PCDH7: variants seen among roughly 807,000 people sequenced by gnomAD.
PCDH7 encodes the protein protocadherin-7.
Under a neutral mutation model 58.9 loss-of-function variants are expected in PCDH7, and 17 were observed. The ratio of observed to expected loss-of-function variants is 0.29; its 90% CI spans 0.20 to 0.43. PCDH7 has a LOEUF of 0.43. PCDH7 is among the 20% of genes least tolerant of loss of function. PCDH7 has a pLI of 1.00. For missense variants in PCDH7, 1,274 were observed against 1,441.0 expected (o/e 0.88, Z 1.88); for synonymous variants, 664 against 616.4 (o/e 1.08, Z -1.14).
At chr4:30,923,201 T>C (rs138120052) in intron 2 of PCDH7, among the ~76,000 whole-genome samples, 4 of 152,190 alleles carry the variant, frequency 2.6e-5, no homozygotes, top group African/African-American at 9.6e-5. Context: ...AATGCAGTTA[T>C]CAGCAAGTGT....
intron 3 of PCDH7, among the ~76,000 whole-genome samples, chr4:31,098,316 A>G (rs1714437329): frequency 6.6e-6 from 1 of 152,194 alleles, no homozygotes; most frequent in Non-Finnish European, 1.5e-5. Context: ...TTTCTAGTAC[A>G]ATTTGAGTCA....
intron 2 of PCDH7, among the ~76,000 whole-genome samples, chr4:30,949,144 C>A (rs1216962729): frequency 6.6e-6 from 1 of 152,136 alleles, no homozygotes; most frequent in African/African-American, 2.4e-5. Context: ...AAAATTAATT[C>A]TCTCCTATAT....
At position 30,869,754 on chromosome 4, in the gene PCDH7, G is replaced by A. The variant is rs140645887; in HGVS notation, c.71-50399G>A. 1.7e-3 allele frequency among the ~76,000 whole-genome samples: 257 copies of A among 152,248 alleles called. 6 individuals carry two copies. In the East Asian group the frequency reaches 0.044, roughly 26 times the overall value. ...TGCTGTAATAAACATATGTGTCCAC[G>A]TGTCTTTATAGTAGAATGATTTATA... On this transcript the variant is annotated intron_variant, in intron 1 of 3. Coordinates refer to the PCDH7 transcript ENST00000509759.
intron 3 of PCDH7, among the ~76,000 whole-genome samples, chr4:30,988,034 G>T (rs1378743935): frequency 6.6e-6 from 1 of 152,142 alleles, no homozygotes; most frequent in African/African-American, 2.4e-5. Flanking sequence ...GGCCAGATTT[G>T]CATCTGTGAA....
intron 3 of PCDH7, among the ~76,000 whole-genome samples, chr4:30,964,341 A>C (rs1270780273): frequency 6.6e-6 from 1 of 151,126 alleles, no homozygotes; most frequent in Non-Finnish European, 1.5e-5. Context: ...TCTTGGGTTC[A>C]CGACATTATC....
intron 3 of PCDH7, among the ~76,000 whole-genome samples, chr4:31,086,305 C>T (rs1334183559): frequency 2.0e-5 from 3 of 152,112 alleles, no homozygotes; most frequent in Admixed American, 6.5e-5. Context: ...AATCCTAATT[C>T]TTGACCTACA....
At chr4:30,985,529 T>C (rs970326001) in intron 3 of PCDH7, among the ~76,000 whole-genome samples, 3 of 152,198 alleles carry the variant, frequency 2.0e-5, no homozygotes, top group Non-Finnish European at 4.4e-5. Flanking sequence ...AACTTACTAA[T>C]TTTGTGACCT....
chr4:30,972,357 AT>A (rs1243551941), intron 3 of PCDH7, among the ~76,000 whole-genome samples: 5 of 151,988 alleles, frequency 3.3e-5, no homozygotes, highest in Admixed American at 6.6e-5. Context: ...TGTGTGCAGG[AT>A]TTTTTTATTT....
At chr4:31,133,943 A>C (rs2109339375) in intron 3 of PCDH7, among the ~76,000 whole-genome samples, 1 of 152,318 alleles carries the variant, frequency 6.6e-6, no homozygotes. Context: ...GACATGTTTA[A>C]ACATTTTAAT....
intron 1 of PCDH7, among the ~76,000 whole-genome samples, chr4:30,835,831 G>GGGA (rs781341699): frequency 2.0e-5 from 3 of 152,114 alleles, no homozygotes; most frequent in South Asian, 2.1e-4. Flanking sequence ...TTTTTAAAAT[G>GGGA]GGAGGAGGAG....
intron 3 of PCDH7, among the ~76,000 whole-genome samples, chr4:30,952,088 C>T (rs1406140230): frequency 6.6e-6 from 1 of 152,080 alleles, no homozygotes; most frequent in Non-Finnish European, 1.5e-5. Flanking sequence ...CCATTATTAG[C>T]TTCATAGACT....
intron 2 of PCDH7, among the ~76,000 whole-genome samples, chr4:30,948,709 C>T (rs1203701446): frequency 6.6e-6 from 1 of 152,072 alleles, no homozygotes; most frequent in African/African-American, 2.4e-5. Context: ...GCTACATATG[C>T]CTTCAGAATT....
intron 3 of PCDH7, among the ~76,000 whole-genome samples, chr4:30,967,578 A>G (rs1170199448): frequency 6.6e-6 from 1 of 152,158 alleles, no homozygotes; most frequent in Non-Finnish European, 1.5e-5. Flanking sequence ...ACTGGATCTT[A>G]TTAGGAAAAG....
chr4:30,870,923 T>G (rs991845644), intron 1 of PCDH7, among the ~76,000 whole-genome samples: 2 of 152,114 alleles, frequency 1.3e-5, no homozygotes, highest in Non-Finnish European at 2.9e-5. Flanking sequence ...TGCCCCAAAT[T>G]CTGAGGTTTA....
intron 1 of PCDH7, among the ~76,000 whole-genome samples, chr4:30,878,031 A>G (rs1295917165): frequency 6.6e-6 from 1 of 152,156 alleles, no homozygotes; most frequent in Admixed American, 6.6e-5. Context: ...TGTGTGAGGA[A>G]GAGCAGCAAA....
At chr4:31,038,990 A>G (rs890248560) in intron 3 of PCDH7, among the ~76,000 whole-genome samples, 2 of 152,206 alleles carry the variant, frequency 1.3e-5, no homozygotes, top group African/African-American at 4.8e-5. Context: ...AGAGTAAATT[A>G]GCATATACCA....
At chr4:31,040,684 C>CA (rs1162364887) in intron 3 of PCDH7, among the ~76,000 whole-genome samples, 1 of 152,082 alleles carries the variant, frequency 6.6e-6, no homozygotes, top group Admixed American at 6.6e-5. Context: ...AGCCTTTACT[C>CA]ATCACATGTT....
intron 3 of PCDH7, among the ~76,000 whole-genome samples, chr4:30,956,205 G>T (rs1265262897): frequency 1.3e-5 from 2 of 150,980 alleles, no homozygotes; most frequent in East Asian, 3.9e-4. Context: ...TCCAGCCTGG[G>T]CAACAGAGTG....
At chr4:30,997,942 T>C (rs1430188457) in intron 3 of PCDH7, among the ~76,000 whole-genome samples, 1 of 151,986 alleles carries the variant, frequency 6.6e-6, no homozygotes, top group Non-Finnish European at 1.5e-5. Context: ...CAAATAAAAA[T>C]AAGCCTCTAA....
Sources: gnomAD v4.1 joint callset for allele counts (sites outside exome capture counted in the v4.1 genomes callset) on GRCh38, gnomAD v4.1.1 for gene constraint, MANE v1.5 for transcripts, NCBI Gene and HGNC (gene_info 2026-07-23, HGNC 2026-07-21) for gene names.